CGRRF1: variants seen among roughly 807,000 people sequenced by gnomAD.
CGRRF1 encodes the protein cell growth regulator with RING finger domain protein 1.
Under a neutral mutation model 37.2 loss-of-function variants are expected in CGRRF1, and 32 were observed. The observed-to-expected ratio is 0.86, with a 90% confidence interval of 0.65 to 1.16. CGRRF1 has a LOEUF of 1.16. Ranked by LOEUF, CGRRF1 falls within the 50% of genes most tolerant of loss-of-function variation. The probability of loss-of-function intolerance (pLI) is 0.00; values close to 1 mark genes in which losing one functional copy is unlikely to be tolerated. For synonymous variants in CGRRF1, 141 were observed against 140.3 expected, an observed-to-expected ratio of 1.00 and a Z score of -0.04; for missense variants, 391 against 382.6, an observed-to-expected ratio of 1.02 and a Z score of -0.18.
intron 2 of CGRRF1, among the ~76,000 whole-genome samples, chr14:54,528,169 A>G (rs1566510952): frequency 6.7e-6 from 1 of 150,138 alleles, no homozygotes; most frequent in Non-Finnish European, 1.5e-5. Flanking sequence ...AGATCATTTC[A>G]TAATAGTGTG....
At chr14:54,535,096 C>T (rs575970343) in intron 4 of CGRRF1, among the ~76,000 whole-genome samples, 10 of 152,196 alleles carry the variant, frequency 6.6e-5, no homozygotes, top group African/African-American at 2.4e-4. Flanking sequence ...AAGTTGCATA[C>T]GTGATGATTC....
intron 1 of CGRRF1, among the ~76,000 whole-genome samples, chr14:54,515,100 T>C (rs1039708370): frequency 2.0e-5 from 3 of 149,084 alleles, no homozygotes; most frequent in Non-Finnish European, 4.5e-5. Context: ...GTTTTTTTTT[T>C]TTTTTTTGAG....
intron 2 of CGRRF1, among the ~76,000 whole-genome samples, chr14:54,525,525 T>A (rs2032397490): frequency 6.6e-6 from 1 of 152,228 alleles, no homozygotes; most frequent in Middle Eastern, 3.2e-3. Context: ...CCGATGCATA[T>A]CATTTATTAT....
chr14:54,511,066 G>A (rs1370935944), intron 1 of CGRRF1, among the ~76,000 whole-genome samples: 1 of 152,230 alleles, frequency 6.6e-6, no homozygotes, highest in Non-Finnish European at 1.5e-5. Flanking sequence ...AGAGAAGACA[G>A]CATGAGCATA....
chr14:54,513,096 T>C (rs2032156334), intron 1 of CGRRF1, among the ~76,000 whole-genome samples: 1 of 152,226 alleles, frequency 6.6e-6, no homozygotes, highest in African/African-American at 2.4e-5. Context: ...AACGGATGCA[T>C]TTTCAGACTC....
Position 54,537,814 on chromosome 14 carries a change from A to G in CGRRF1, c.663A>G (p.Gln221=), listed in dbSNP as rs1435027432. The change falls in exon 5 of 6, where the codon CAA becomes CAG. Residue 221 remains glutamine, a synonymous_variant. Transcript: ENST00000216420. ...LYQYLLLAQG[Q]FHDLKQLFMS... is the part of the protein sequence containing the mutation. ...AATATTTACTCTTGGCTCAAGGTCA[A>G]TTTCATGATCTTAAGGTAAGCCGTA... 3 of 1,602,970 alleles carry G rather than the reference A, an allele frequency of 1.9e-6. No individual in the cohort carries two copies. Among genetic ancestry groups the G allele is most frequent in the South Asian group, 1.1e-5 (1 of 87,854 alleles).
At chr14:54,520,691 GC>G (rs1313723079) in intron 1 of CGRRF1, among the ~76,000 whole-genome samples, 9 of 152,156 alleles carry the variant, frequency 5.9e-5, no homozygotes, top group Non-Finnish European at 1.0e-4. Flanking sequence ...CTTTTGCATA[GC>G]ACGATGTTTC....
chr14:54,521,980 C>T (rs1221649063), intron 1 of CGRRF1, among the ~76,000 whole-genome samples: 1 of 152,140 alleles, frequency 6.6e-6, no homozygotes, highest in African/African-American at 2.4e-5. Flanking sequence ...GTTGATTCAG[C>T]CAGCTGAACA....
At chr14:54,525,752 C>A (rs905434881) in intron 2 of CGRRF1, among the ~76,000 whole-genome samples, 1 of 152,054 alleles carries the variant, frequency 6.6e-6, no homozygotes, top group Admixed American at 6.6e-5. Flanking sequence ...CCCAAACTGC[C>A]TGACATATAG....
intron 1 of CGRRF1, among the ~76,000 whole-genome samples, chr14:54,514,357 A>G (rs896035799): frequency 1.3e-5 from 2 of 152,244 alleles, no homozygotes; most frequent in African/African-American, 2.4e-5. Flanking sequence ...GAAATTCTGC[A>G]TCTAAAGCGT....
chr14:54,529,682 G>A lies in CGRRF1; in HGVS notation c.245-367G>A, dbSNP rs118141197. ...GTATTCTGCTGCACTGTTTCTTGTC[G>A]TTAGGATCATATACACTATGAGAGT... On this transcript the variant is annotated intron_variant, in intron 2 of 5. Transcript: ENST00000216420. Among the ~76,000 whole-genome samples, 1,092 of 152,194 alleles carry A rather than the reference G, an allele frequency of 7.2e-3. 10 individuals are homozygous for A. Among genetic ancestry groups the A allele is most frequent in the Admixed American group, 0.017 (258 of 15,276 alleles).
At chr14:54,536,163 A>T (rs1451713855) in intron 4 of CGRRF1, 1 of 151,898 alleles carries the variant, frequency 6.6e-6, no homozygotes, top group Non-Finnish European at 1.5e-5. Flanking sequence ...AAGATAGCAC[A>T]TACTCTATGC....
chr14:54,535,428 T>C (rs2032585086), intron 4 of CGRRF1, among the ~76,000 whole-genome samples: 1 of 151,642 alleles, frequency 6.6e-6, no homozygotes, highest in Non-Finnish European at 1.5e-5. Context: ...ATTTTGTTTG[T>C]CTGATTTTTC....
Position 54,538,508 on chromosome 14 carries a change from TTGTA to T in CGRRF1, c.*128_*131del, listed in dbSNP as rs1298224649. Reference sequence around the variant, plus strand: ...TGAAAATTATATTTTAACTTCATATTTGTATGGTACTTGGATGATAAAAATTAAT... The same window carrying T: ...TGAAAATTATATTTTAACTTCATATTTGGTACTTGGATGATAAAAATTAAT... On this transcript the variant is annotated 3_prime_UTR_variant, in exon 6 of 6. Transcript: ENST00000216420. 6 of 657,612 alleles carry T rather than the reference TTGTA, an allele frequency of 9.1e-6. No homozygotes were observed. Among genetic ancestry groups the T allele is most frequent in the Non-Finnish European group, 1.5e-5 (6 of 395,670 alleles). 40.7% of individuals were successfully genotyped at this position (657,612 alleles called of 1,614,324 possible). A position where few individuals can be genotyped will look rare whatever the true frequency, so the allele number is the denominator to read the frequency against.
At chr14:54,510,119 G>A in intron 1 of CGRRF1, 56 bp downstream of exon 1, 1 of 1,368,854 alleles carries the variant, frequency 7.3e-7, no homozygotes. Flanking sequence ...GTGGGGTCGC[G>A]ACGAGCAGCA....
intron 1 of CGRRF1, among the ~76,000 whole-genome samples, chr14:54,520,223 T>A (rs1047412803): frequency 2.0e-5 from 3 of 152,014 alleles, no homozygotes; most frequent in Non-Finnish European, 4.4e-5. Context: ...ATTCTCCTGC[T>A]TCAGCCTCCC....
intron 1 of CGRRF1, 42 bp from the exon 2 acceptor site, chr14:54,522,412 A>G (rs1161380660): frequency 7.3e-7 from 1 of 1,365,940 alleles, no homozygotes; most frequent in East Asian, 2.6e-5. Context: ...ATAAAGTTTC[A>G]ACATTTGTTA....
chr14:54,530,015 A>G (rs1314154753), intron 2 of CGRRF1, 34 bp from the exon 3 acceptor site: 5 of 1,556,844 alleles, frequency 3.2e-6, no homozygotes, highest in Non-Finnish European at 3.5e-6. Flanking sequence ...GTTACATTAA[A>G]TCACTTTCAT....
At chr14:54,526,097 A>G (rs1028312519) in intron 2 of CGRRF1, among the ~76,000 whole-genome samples, 2 of 152,018 alleles carry the variant, frequency 1.3e-5, no homozygotes, top group African/African-American at 4.8e-5. Flanking sequence ...ACCCTGTCTC[A>G]AAAAACAAAA....
Sources: gnomAD v4.1 joint callset for allele counts (sites outside exome capture counted in the v4.1 genomes callset) on GRCh38, gnomAD v4.1.1 for gene constraint, MANE v1.5 for transcripts, NCBI Gene and HGNC (gene_info 2026-07-23, HGNC 2026-07-21) for gene names.